The following NOC4L variants were observed in gnomAD, a reference collection of about 807,000 sequenced individuals.
The protein encoded by NOC4L is nucleolar complex associated 4 homolog.
In NOC4L, 40 loss-of-function variants were observed where a neutral mutation model predicts 62.8. The ratio of observed to expected loss-of-function variants is 0.64; its 90% CI spans 0.49 to 0.83. The LOEUF is 0.83. NOC4L is among the 40% of genes least tolerant of loss of function. The pLI is 0.00. For synonymous variants in NOC4L, 433 were observed against 299.8 expected, an observed-to-expected ratio of 1.44 and a Z score of -4.59; for missense variants, 927 against 701.9, an observed-to-expected ratio of 1.32 and a Z score of -3.62.
At chr12:132,146,610 C>T (rs987368529) in intron 3 of NOC4L, among the ~76,000 whole-genome samples, 3 of 152,196 alleles carry the variant, frequency 2.0e-5, no homozygotes, top group African/African-American at 2.4e-5. Flanking sequence ...TCCACATCCT[C>T]GCCAACACGT....
rs370358875 is a variant in NOC4L, at chr12:132,151,126, C to A, written c.962+85C>A. ...CCCTTCCCACCCTGCCCCACGGGGT[C>A]CCCGCTTTCCTCACAGGCCATGGTG... is the stretch of plus-strand genomic sequence containing the variant. On this transcript the variant is annotated intron_variant, in intron 10 of 14. Coordinates refer to ENST00000330579, the MANE Select transcript of NOC4L (RefSeq NM_024078.3). 46 of 1,437,866 alleles carry A rather than the reference C, an allele frequency of 3.2e-5. No homozygotes were observed. In the South Asian group the frequency reaches 5.0e-4, roughly 16 times the overall value. 89.1% of individuals were successfully genotyped at this position (1,437,866 alleles called of 1,614,324 possible). A position where few individuals can be genotyped will look rare whatever the true frequency, so the allele number is the denominator to read the frequency against.
rs79370835 is a variant in NOC4L, at chr12:132,146,944, C to G, written c.346-337C>G. 1.8e-4 allele frequency among the ~76,000 whole-genome samples: 27 copies of G among 152,282 alleles called. No homozygotes were observed. The East Asian group carries it at 5.2e-3, about 29-fold the overall frequency. ...TGCTGGCATCACACGCCTGTGTTTT[C>G]ACAGCTGTTCCCAAGGGTTATGGTG... On this transcript the variant is annotated intron_variant, in intron 3 of 14. Coordinates refer to ENST00000330579, the MANE Select transcript of NOC4L (RefSeq NM_024078.3).
rs1565960328 is a variant in NOC4L at position 132,148,906 on chromosome 12, CCGCCTCGCT to C, written c.901+13_901+21del. The C allele has an allele frequency of 2.4e-6, 3 of 1,260,816 alleles. No individual in the cohort carries two copies. The highest frequency in any genetic ancestry group is 3.2e-6 in the Non-Finnish European group (3 of 942,418). The allele number at this position is 1,260,816 out of a possible 1,614,324, so 78.1% of individuals were successfully genotyped here. On this transcript the variant is annotated intron_variant, in intron 9 of 14. Coordinates refer to ENST00000330579, the MANE Select transcript of NOC4L (RefSeq NM_024078.3). The stretch of plus-strand genomic sequence containing the variant: ...GCGCCTGCGACCTCGGTGAGTGCCG[CCGCCTCGCT>C]CACACCACACCCCTAATCCCCTCGG...
chr12:132,151,195 G>A, intron 10 of NOC4L, 63 bp from the exon 11 acceptor site: 9 of 1,469,504 alleles, frequency 6.1e-6, no homozygotes, highest in Non-Finnish European at 7.6e-6. Context: ...GTGAGACCCT[G>A]GCCTTGGAGG....
chr12:132,147,592 T>C lies in NOC4L; in HGVS notation c.454-41T>C, dbSNP rs549575909. 163 of 1,603,830 alleles carry C rather than the reference T, an allele frequency of 1.0e-4. 2 individuals carry two copies. The South Asian group carries it at 1.8e-3, about 17-fold the overall frequency. On this transcript the variant is annotated intron_variant, in intron 4 of 14. Coordinates refer to ENST00000330579, the MANE Select transcript of NOC4L (RefSeq NM_024078.3). ...TGCCTGCCTGGACCTTGCTGGCGTA[T>C]GCTGGGCCGGGCAGGGCTGCTCACT...
rs776929651 is a variant in NOC4L at position 132,151,051 on chromosome 12, A to G, written c.962+10A>G. ...TTCACAAACACAACCTGTGAGTGTC[A>G]CCAGGGGTGCAGGTCTTCTTCCCAG... On this transcript the variant is annotated intron_variant, in intron 10 of 14. Transcript: ENST00000330579. 8.1e-6 allele frequency: 13 copies of G among 1,608,272 alleles called. No individual in the cohort carries two copies. Among genetic ancestry groups the G allele is most frequent in the Non-Finnish European group, 1.0e-5 (12 of 1,177,138 alleles).
In NOC4L at chr12:132,151,627, A is replaced by G; in HGVS notation, c.1217A>G (p.His406Arg). Residue 406 changes from histidine to arginine, a missense_variant, in exon 12 of 15, where the codon CAC becomes CGC. His to Arg is a conservative substitution (Grantham distance 29). Coordinates refer to ENST00000330579, the MANE Select transcript of NOC4L (RefSeq NM_024078.3). ...CACCCTGCCTGCCGGGTCCTCGTGC[A>G]CCGTCCACACGGCCCTGGTGAGTTG... ...RRHPACRVLVHRPHGPELDAD... is the reference protein window; with the variant it reads ...RRHPACRVLVRRPHGPELDAD... The G allele has an allele frequency of 1.2e-6, 2 of 1,611,730 alleles. No individual in the cohort carries two copies. The highest frequency in any genetic ancestry group is 2.2e-5 in the East Asian group (1 of 44,828).
At position 132,144,900 on chromosome 12, in the gene NOC4L, G is replaced by A. The variant is rs142163454; in HGVS notation, c.164G>A (p.Arg55His). The A allele has an allele frequency of 2.3e-3, 3,712 of 1,602,040 alleles. 16 individuals carry two copies. Among genetic ancestry groups the A allele is most frequent in the South Asian group, 9.0e-3 (796 of 88,734 alleles). Residue 55 changes from arginine (R) to histidine (H), a missense_variant, in exon 2 of 15, where the codon CGT becomes CAT. By Grantham distance (29) the Arg-to-His change is conservative. Coordinates refer to ENST00000330579, the MANE Select transcript of NOC4L (RefSeq NM_024078.3). ...EIQEAVRTCS[R>H]LFGALLERGE... Reference sequence around the variant, plus strand: ...CAGGAAGCAGTCCGCACGTGCAGCCGTCTTTTCGGGGCCTTGCTGGAGCGG... The same window carrying A: ...CAGGAAGCAGTCCGCACGTGCAGCCATCTTTTCGGGGCCTTGCTGGAGCGG...
At position 132,151,385 on chromosome 12, in the gene NOC4L, C is replaced by T; in HGVS notation, c.1073+17C>T. 3 of 1,605,776 alleles carry T rather than the reference C, an allele frequency of 1.9e-6. No individual in the cohort carries two copies. Among genetic ancestry groups the T allele is most frequent in the Non-Finnish European group, 2.5e-6 (3 of 1,178,852 alleles). On this transcript the variant is annotated intron_variant, in intron 11 of 14. Coordinates refer to ENST00000330579, the MANE Select transcript of NOC4L (RefSeq NM_024078.3). Reference sequence around the variant, plus strand: ...GTCCTCCTCGTGAGTACCAGGGCACCTGGCTCTGCCCTGCTCTGTGCGGCT... The same window carrying T: ...GTCCTCCTCGTGAGTACCAGGGCACTTGGCTCTGCCCTGCTCTGTGCGGCT...
Position 132,148,534 on chromosome 12 carries a change from G to C in NOC4L, c.739-75G>C, listed in dbSNP as rs111442067. The C allele has an allele frequency of 6.0e-3, 9,062 of 1,502,728 alleles. 37 individuals are homozygous for C. Among genetic ancestry groups the C allele is most frequent in the East Asian group, 0.012 (468 of 40,530 alleles). 93.1% of individuals were successfully genotyped at this position (1,502,728 alleles called of 1,614,324 possible). On this transcript the variant is annotated intron_variant, in intron 7 of 14. Transcript: ENST00000330579. ...CTTGTGTTGGCTCAGGCTGGGCTTC[G>C]GGGTGCCCTGGCAGCTGCTCGGGCT...
rs1469026041 is a variant in NOC4L at position 132,151,506 on chromosome 12, G to A, written c.1096G>A (p.Ala366Thr). ...CAGCCACCTCCCCGCCTACCTGGTG[G>A]CCGCCTTCGCCAAGCGGCTGGCCCG... ...SSSHLPAYLV[A>T]AFAKRLARLA... The change falls in exon 12 of 15, where the codon GCC becomes ACC. Residue 366 changes from alanine (A) to threonine (T), a missense_variant. Ala to Thr is a moderately conservative substitution (Grantham distance 58, BLOSUM62 0). Transcript: ENST00000330579. 1 of 1,604,714 alleles carries A rather than the reference G, an allele frequency of 6.2e-7. No homozygotes were observed. The highest frequency in any genetic ancestry group is 1.7e-5 in the Admixed American group (1 of 59,874).
In NOC4L at chr12:132,144,509, C is replaced by G. The variant is rs201538803; in HGVS notation, c.21C>G (p.Ala7=). Residue 7 remains alanine (A), a synonymous_variant, in exon 1 of 15, where the codon GCC becomes GCG. Coordinates refer to ENST00000330579, the MANE Select transcript of NOC4L (RefSeq NM_024078.3). MEREPG[A]AGVRRALGRR... ...GCGGCATGGAGCGGGAGCCGGGCGC[C>G]GCGGGAGTTCGCCGGGCTCTGGGCC... is the stretch of plus-strand genomic sequence containing the variant. The G allele has an allele frequency of 1.7e-4, 259 of 1,518,554 alleles. 2 individuals carry two copies. The East Asian group carries it at 6.7e-3, about 39-fold the overall frequency. The allele number at this position is 1,518,554 out of a possible 1,614,324, so 94.1% of individuals were successfully genotyped here.
chr12:132,147,203 G>C, intron 3 of NOC4L, 78 bp from the exon 4 acceptor site: 1 of 1,123,490 alleles, frequency 8.9e-7, no homozygotes, highest in Non-Finnish European at 1.2e-6. Flanking sequence ...GATGGGAGGG[G>C]CTCCCTGACT....
intron 8 of NOC4L, 52 bp from the exon 9 acceptor site, chr12:132,148,732 C>A (rs571387876): frequency 1.5e-6 from 2 of 1,305,540 alleles, no homozygotes; most frequent in Non-Finnish European, 1.0e-6. Context: ...CACCCCGACC[C>A]GCCGGCCCCC....
chr12:132,151,227 C>G, intron 10 of NOC4L, 31 bp from the exon 11 acceptor site: 5 of 1,575,124 alleles, frequency 3.2e-6, no homozygotes, highest in Non-Finnish European at 4.4e-6. Context: ...GGGCCCTGCT[C>G]CATCCGCTGC....
chr12:132,147,597 G>T, intron 4 of NOC4L, 36 bp from the exon 5 acceptor site: 3 of 1,606,434 alleles, frequency 1.9e-6, no homozygotes, highest in Non-Finnish European at 2.6e-6. Context: ...GCGTATGCTG[G>T]GCCGGGCAGG....
At chr12:132,147,026 G>C (rs1264802076) in intron 3 of NOC4L, among the ~76,000 whole-genome samples, 1 of 152,212 alleles carries the variant, frequency 6.6e-6, no homozygotes, top group Non-Finnish European at 1.5e-5. Flanking sequence ...AAGCAGACCT[G>C]GGCTGTGTAC....
At position 132,147,989 on chromosome 12, in the gene NOC4L, C is replaced by T. The variant is rs375850317; in HGVS notation, c.703+10C>T. On this transcript the variant is annotated intron_variant, in intron 6 of 14. Transcript: ENST00000330579. ...TATGTGAAGCGGGCGGGTGAGTGTG[C>T]TGAGAGTCAGGGGCGGACAGGGCTG... 1 of 1,611,938 alleles carries T rather than the reference C, an allele frequency of 6.2e-7. No homozygotes were observed. The highest frequency in any genetic ancestry group is 1.1e-5 in the South Asian group (1 of 90,840).
In NOC4L at chr12:132,147,697, A is replaced by G; in HGVS notation, c.518A>G (p.Glu173Gly). Residue 173 changes from glutamate (E) to glycine (G), a missense_variant, in exon 5 of 15, where the codon GAG becomes GGG. Glu to Gly is a moderately conservative substitution (Grantham distance 98). Coordinates refer to ENST00000330579, the MANE Select transcript of NOC4L (RefSeq NM_024078.3). Reference protein sequence around the residue: ...DQSLLLSQFREYLDYDDTRYH... With the variant: ...DQSLLLSQFRGYLDYDDTRYH... ...AGCCTGCTCCTGTCCCAGTTCCGGG[A>G]GTACCTGGACTACGACGACACCCGC... 3.1e-6 allele frequency: 5 copies of G among 1,612,826 alleles called. No individual in the cohort carries two copies. The highest frequency in any genetic ancestry group is 4.2e-6 in the Non-Finnish European group (5 of 1,179,942).
Sources: gnomAD v4.1 joint callset for allele counts (sites outside exome capture counted in the v4.1 genomes callset) on GRCh38, gnomAD v4.1.1 for gene constraint, MANE v1.5 for transcripts, NCBI Gene and HGNC (gene_info 2026-07-23, HGNC 2026-07-21) for gene names.